Variants in ZFYVE27 observed in about 807,000 individuals in gnomAD.
The protein encoded by ZFYVE27 is protrudin.
Under a neutral mutation model 52.8 loss-of-function variants are expected in ZFYVE27, and 36 were observed. The ratio of observed to expected loss-of-function variants is 0.68; its 90% CI spans 0.52 to 0.90. ZFYVE27 has a LOEUF of 0.90. Among genes scored for constraint, ZFYVE27 ranks in the 40% least tolerant of loss-of-function variants. The pLI is 0.00. For synonymous variants in ZFYVE27, 223 were observed against 215.6 expected, an observed-to-expected ratio of 1.03 and a Z score of -0.30; for missense variants, 450 against 527.2, an observed-to-expected ratio of 0.85 and a Z score of 1.43.
intron 6 of ZFYVE27, 44 bp from the exon 7 acceptor site, chr10:97,750,287 T>C: frequency 6.2e-7 from 1 of 1,611,642 alleles, no homozygotes; most frequent in Non-Finnish European, 8.5e-7. Context: ...CCACTCACGG[T>C]GTCTCATTTT....
In ZFYVE27 at chr10:97,738,614, G is replaced by A. The variant is rs201148823; in HGVS notation, c.137G>A (p.Arg46Lys). Residue 46 changes from arginine to lysine, a missense_variant, in exon 2 of 13, where the codon AGG (arginine) becomes AAG (lysine). Arg to Lys is a conservative substitution (Grantham distance 26, BLOSUM62 2). Coordinates refer to ENST00000684270, the MANE Select transcript of ZFYVE27 (RefSeq NM_001385875.1). ...TTCAACTTGGTTCTCTCCTACAAGA[G>A]GCTGGAGATCTACCTGGAACCCTTG... The part of the protein sequence containing the change: ...DLFNLVLSYK[R>K]LEIYLEPLKD... 14 of 1,614,160 alleles carry A rather than the reference G, an allele frequency of 8.7e-6. No homozygotes were observed. The highest frequency in any genetic ancestry group is 1.2e-5 in the Non-Finnish European group (14 of 1,180,028).
intron 10 of ZFYVE27, among the ~76,000 whole-genome samples, chr10:97,753,673 A>G (rs2047588813): frequency 6.6e-6 from 1 of 152,156 alleles, no homozygotes. Context: ...CTCATGTCAA[A>G]TGAGACAGTA....
At chr10:97,745,699 G>A (rs560153714) in intron 4 of ZFYVE27, among the ~76,000 whole-genome samples, 1 of 152,276 alleles carries the variant, frequency 6.6e-6, no homozygotes, top group South Asian at 2.1e-4. Context: ...TCTTGTACTG[G>A]GGAAGTGTTG....
chr10:97,746,250 T>C (rs2045386263), intron 4 of ZFYVE27, among the ~76,000 whole-genome samples: 1 of 152,082 alleles, frequency 6.6e-6, no homozygotes, highest in South Asian at 2.1e-4. Flanking sequence ...GGTTTCATCA[T>C]GTTGGCCAGG....
At position 97,751,156 on chromosome 10, in the gene ZFYVE27, C is replaced by T. The variant is rs1370730296; in HGVS notation, c.805-235C>T. ...ACCCCAGCCCTGTGGTTCTAGAGCT[C>T]GTGCCTTCAACCACTGTGCGATGTG... On this transcript the variant is annotated intron_variant, in intron 7 of 12. Transcript: ENST00000684270. Among the ~76,000 whole-genome samples, 5 of 152,262 alleles carry T rather than the reference C, an allele frequency of 3.3e-5. No homozygotes were observed. In the South Asian group the frequency reaches 8.3e-4, roughly 25 times the overall value.
chr10:97,752,961 C>T, intron 9 of ZFYVE27, 77 bp from the exon 10 acceptor site: 2 of 1,612,658 alleles, frequency 1.2e-6, no homozygotes, highest in Non-Finnish European at 1.7e-6. Flanking sequence ...GTGGGGGCTG[C>T]CGCGCAGGAT....
chr10:97,757,748 G>T (rs1367532638), intron 12 of ZFYVE27, 25 bp downstream of exon 12: 3 of 1,612,676 alleles, frequency 1.9e-6, no homozygotes, highest in Non-Finnish European at 8.5e-7. Flanking sequence ...TGGTGGGAGG[G>T]CTTGGTTGGT....
chr10:97,745,725 T>C (rs1055133590), intron 4 of ZFYVE27, among the ~76,000 whole-genome samples: 7 of 152,328 alleles, frequency 4.6e-5, no homozygotes, highest in Middle Eastern at 3.4e-3. Flanking sequence ...ATATTAGTTA[T>C]CATCACTACA....
At chr10:97,754,796 A>T (rs1404181253) in intron 10 of ZFYVE27, 2 of 1,289,366 alleles carry the variant, frequency 1.6e-6, no homozygotes, top group South Asian at 2.5e-5. Context: ...GTAACACTAC[A>T]CACAAGAAGT....
intron 3 of ZFYVE27, 113 bp downstream of exon 3, chr10:97,743,277 G>C: frequency 8.1e-7 from 1 of 1,234,102 alleles, no homozygotes; most frequent in South Asian, 1.2e-5. Context: ...TGGAGTTAGT[G>C]TTCCTCTGTG....
chr10:97,759,012 C>G (rs1427555065), intron 12 of ZFYVE27, among the ~76,000 whole-genome samples: 1 of 152,108 alleles, frequency 6.6e-6, no homozygotes, highest in Non-Finnish European at 1.5e-5. Context: ...ACAATAATGT[C>G]TAATTCATAG....
At chr10:97,758,345 C>T (rs1366366577) in intron 12 of ZFYVE27, among the ~76,000 whole-genome samples, 9 of 133,266 alleles carry the variant, frequency 6.8e-5, no homozygotes, top group African/African-American at 1.1e-4. Flanking sequence ...TTTTTTGAGA[C>T]GGAGTTTCAC....
chr10:97,740,113 C>T (rs965404274), intron 2 of ZFYVE27, among the ~76,000 whole-genome samples: 1 of 152,096 alleles, frequency 6.6e-6, no homozygotes, highest in Non-Finnish European at 1.5e-5. Flanking sequence ...TCATAAAGAC[C>T]CTCAGTCCTC....
At chr10:97,755,095 C>T (rs911755280) in intron 10 of ZFYVE27, among the ~76,000 whole-genome samples, 2 of 152,232 alleles carry the variant, frequency 1.3e-5, no homozygotes, top group African/African-American at 4.8e-5. Flanking sequence ...TGGATAATCT[C>T]TACCAGCATG....
At chr10:97,754,089 G>C (rs1015377464) in intron 10 of ZFYVE27, among the ~76,000 whole-genome samples, 2 of 152,188 alleles carry the variant, frequency 1.3e-5, no homozygotes, top group African/African-American at 2.4e-5. Flanking sequence ...TCAGATGGGA[G>C]CAGGGTAAGG....
At chr10:97,738,967 C>T (rs143525780) in intron 2 of ZFYVE27, 33 of 354,462 alleles carry the variant, frequency 9.3e-5, no homozygotes, top group African/African-American at 5.2e-4. Context: ...ACGCCTTCTA[C>T]AGCTTAGAGC....
intron 10 of ZFYVE27, 130 bp downstream of exon 10, chr10:97,753,312 G>A: frequency 7.2e-7 from 1 of 1,390,220 alleles, no homozygotes; most frequent in Non-Finnish European, 9.7e-7. Context: ...AGAGCAGGGA[G>A]TGAAGGTGTG....
rs988750652 is a variant in ZFYVE27, at chr10:97,744,440, G to A, written c.269-289G>A. Among the ~76,000 whole-genome samples the A allele has an allele frequency of 4.6e-5, 7 of 152,242 alleles. No individual in the cohort carries two copies. In the South Asian group the frequency reaches 1.4e-3, roughly 32 times the overall value. On this transcript the variant is annotated intron_variant, in intron 3 of 12. Coordinates refer to ENST00000684270, the MANE Select transcript of ZFYVE27 (RefSeq NM_001385875.1). Reference sequence around the variant, plus strand: ...AAAACGTATTAAAAGTGAGGATGGGGCCACAGCAGTGACCAAAGGGACAAA... The same window carrying A: ...AAAACGTATTAAAAGTGAGGATGGGACCACAGCAGTGACCAAAGGGACAAA...
intron 10 of ZFYVE27, 28 bp from the exon 11 acceptor site, chr10:97,757,237 G>A (rs562437405): frequency 1.2e-6 from 2 of 1,614,100 alleles, no homozygotes; most frequent in East Asian, 2.2e-5. Context: ...GGATGGGCGG[G>A]GGTTGAGCTG....
Sources: allele counts gnomAD v4.1 joint callset (sites outside exome capture counted in the v4.1 genomes callset), GRCh38; gene constraint gnomAD v4.1.1; transcripts MANE v1.5; gene names NCBI Gene and HGNC (gene_info 2026-07-23, HGNC 2026-07-21).